Variants in FRAS1 observed in about 807,000 individuals in gnomAD.
FRAS1 encodes the protein Fraser extracellular matrix complex subunit 1.
Under a neutral mutation model 435.2 loss-of-function variants are expected in FRAS1, and 290 were observed. The observed-to-expected ratio is 0.67, with a 90% CI of 0.61 to 0.73. The LOEUF (loss-of-function observed/expected upper bound fraction) is 0.73, where lower values mean the gene tolerates loss of function less well. Ranked by LOEUF, FRAS1 falls within the 30% of genes least tolerant of loss-of-function variation. The pLI is 0.00. For synonymous variants in FRAS1, 1,800 were observed against 1,851.0 expected (o/e 0.97, Z 0.71); for missense variants, 4,860 against 5,001.5 (o/e 0.97, Z 0.85).
Position 78,487,939 on chromosome 4 carries a change from T to C in FRAS1, c.8753-936T>C, listed in dbSNP as rs140823419. Among the ~76,000 whole-genome samples the C allele has an allele frequency of 9.0e-3, 1,372 of 152,294 alleles. 7 individuals are homozygous for C. Among genetic ancestry groups the C allele is most frequent in the Non-Finnish European group, 0.015 (1,050 of 68,006 alleles). ...CTAAGTCCTTGTTTTTAACCATGAT[T>C]TGACTACGGTCTCATCCTTAAGTCA... On this transcript the variant is annotated intron_variant, in intron 58 of 73. Transcript: ENST00000512123.
chr4:78,159,698 T>G (rs1721054069), intron 2 of FRAS1, among the ~76,000 whole-genome samples: 1 of 152,130 alleles, frequency 6.6e-6, no homozygotes, highest in Admixed American at 6.5e-5. Flanking sequence ...CTGGCCAACA[T>G]GGTGAAACCC....
intron 29 of FRAS1, among the ~76,000 whole-genome samples, chr4:78,391,740 T>A (rs1461838117): frequency 1.3e-5 from 2 of 152,184 alleles, no homozygotes; most frequent in Admixed American, 6.5e-5. Flanking sequence ...AAAATTCTAT[T>A]GCTGAGAGTC....
At chr4:78,244,794 A>G (rs965632511) in intron 3 of FRAS1, among the ~76,000 whole-genome samples, 2 of 152,136 alleles carry the variant, frequency 1.3e-5, no homozygotes, top group Non-Finnish European at 2.9e-5. Flanking sequence ...TCCCAGGTAA[A>G]AGTTACCTAT....
At chr4:78,327,859 G>A (rs1333642478) in intron 18 of FRAS1, among the ~76,000 whole-genome samples, 1 of 152,090 alleles carries the variant, frequency 6.6e-6, no homozygotes, top group Non-Finnish European at 1.5e-5. Context: ...GCACGGAATT[G>A]AAATTTCATG....
intron 47 of FRAS1, among the ~76,000 whole-genome samples, chr4:78,456,904 G>A (rs1719219178): frequency 1.3e-5 from 2 of 152,164 alleles, no homozygotes; most frequent in Non-Finnish European, 2.9e-5. Flanking sequence ...ATTGAAATCA[G>A]CAGAGCTCCA....
At chr4:78,514,264 A>C (rs1011025367) in intron 65 of FRAS1, among the ~76,000 whole-genome samples, 19 of 152,246 alleles carry the variant, frequency 1.2e-4, no homozygotes, top group Non-Finnish European at 4.4e-5. Context: ...GCCAATATGC[A>C]GCTGACGCAG....
intron 9 of FRAS1, among the ~76,000 whole-genome samples, chr4:78,272,069 C>T (rs4269200): frequency 0.95 from 143,977 of 152,300 alleles, 68,456 homozygotes; most frequent in Non-Finnish European, 1. Context: ...TGACCAGTGA[C>T]GATGAGCATT....
At chr4:78,095,636 C>A (rs1741763753) in intron 2 of FRAS1, among the ~76,000 whole-genome samples, 1 of 152,168 alleles carries the variant, frequency 6.6e-6, no homozygotes, top group African/African-American at 2.4e-5. Flanking sequence ...CAAGGAGGAA[C>A]AAGTCACGTC....
intron 15 of FRAS1, among the ~76,000 whole-genome samples, chr4:78,315,261 G>T (rs766725632): frequency 2.6e-5 from 4 of 152,132 alleles, no homozygotes; most frequent in Non-Finnish European, 5.9e-5. Context: ...ATTTTATGGA[G>T]CATCTGATAT....
At chr4:78,147,355 C>G (rs934705920) in intron 2 of FRAS1, among the ~76,000 whole-genome samples, 1 of 152,134 alleles carries the variant, frequency 6.6e-6, no homozygotes, top group African/African-American at 2.4e-5. Context: ...GGGAGGTCAT[C>G]TTCCCTAATG....
intron 41 of FRAS1, among the ~76,000 whole-genome samples, 185 bp downstream of exon 41, chr4:78,441,482 G>A (rs1266595523): frequency 6.6e-6 from 1 of 152,134 alleles, no homozygotes; most frequent in Non-Finnish European, 1.5e-5. Context: ...TTCTGTGTGC[G>A]GGGAACTTAT....
rs538300443 is a variant in FRAS1 at position 78,491,588 on chromosome 4, G to A, written c.8958+2508G>A. 4.6e-5 allele frequency among the ~76,000 whole-genome samples: 7 copies of A among 152,028 alleles called. No individual in the cohort carries two copies. In the South Asian group the frequency reaches 8.3e-4, roughly 18 times the overall value. On this transcript the variant is annotated intron_variant, in intron 59 of 73. Transcript: ENST00000512123. Reference sequence around the variant, plus strand: ...TCTAATAGATGCAGAAAAGGCCTTCGACAAACTTTAACAGCCCTTCATGAT... The same window carrying A: ...TCTAATAGATGCAGAAAAGGCCTTCAACAAACTTTAACAGCCCTTCATGAT...
intron 2 of FRAS1, among the ~76,000 whole-genome samples, chr4:78,164,647 T>C (rs1721266959): frequency 6.6e-6 from 1 of 152,154 alleles, no homozygotes; most frequent in Non-Finnish European, 1.5e-5. Context: ...AAAAACGTTT[T>C]TAAAAATATG....
intron 38 of FRAS1, among the ~76,000 whole-genome samples, chr4:78,435,828 T>C (rs1323990395): frequency 6.6e-6 from 1 of 152,012 alleles, no homozygotes; most frequent in Non-Finnish European, 1.5e-5. Context: ...AAAATGATTA[T>C]ATGTATGACA....
At position 78,407,655 on chromosome 4, in the gene FRAS1, C is replaced by G. The variant is rs1733152338; in HGVS notation, c.4130-8C>G. ...CCCTCACTAACTATGTGGCCTGTGC[C>G]TTCCTAGGGGAGGTGGTCCTTCTAG... On this transcript the variant is annotated splice_polypyrimidine_tract_variant and splice_region_variant and intron_variant, in intron 30 of 73. Transcript: ENST00000512123. 2 of 1,607,588 alleles carry G rather than the reference C, an allele frequency of 1.2e-6. No individual in the cohort carries two copies. The highest frequency in any genetic ancestry group is 8.5e-7 in the Non-Finnish European group (1 of 1,177,168).
rs929028798 is a variant in FRAS1 at position 78,443,430 on chromosome 4, A to G, written c.5666-2092A>G. Among the ~76,000 whole-genome samples, 5 of 151,708 alleles carry G rather than the reference A, an allele frequency of 3.3e-5. No individual in the cohort carries two copies. The Admixed American group carries it at 3.3e-4, about 10-fold the overall frequency. On this transcript the variant is annotated intron_variant, in intron 41 of 73. Transcript: ENST00000512123. ...GAAAAACATCTTTTTAAAAACTGTT[A>G]AAAGAACCAGCTTTTACTTTTCACC...
chr4:78,430,416 A>G lies in FRAS1; in HGVS notation c.4968A>G (p.Thr1656=). 1 of 1,612,642 alleles carries G rather than the reference A, an allele frequency of 6.2e-7. No homozygotes were observed. Among genetic ancestry groups the G allele is most frequent in the Non-Finnish European group, 8.5e-7 (1 of 1,179,282 alleles). The change falls in exon 37 of 74, where the codon ACA becomes ACG. Residue 1656 remains threonine (T), a splice_region_variant and synonymous_variant. Coordinates refer to ENST00000512123, the MANE Select transcript of FRAS1 (RefSeq NM_025074.7). ...HTAEFRRPMA[T]GDTFTYEDVE... ...CTGAGTTCCGAAGGCCGATGGCCAC[A>G]GGTAGCTACACACCTACACACTCTG...
intron 32 of FRAS1, among the ~76,000 whole-genome samples, chr4:78,416,356 G>A (rs1182728806): frequency 6.6e-6 from 1 of 152,060 alleles, no homozygotes; most frequent in Non-Finnish European, 1.5e-5. Flanking sequence ...GCTTTGCAAG[G>A]TGGGAGAGTT....
At chr4:78,518,422 G>GTGTGTATATATATATATA (rs1397809156) in intron 66 of FRAS1, among the ~76,000 whole-genome samples, 3 of 135,728 alleles carry the variant, frequency 2.2e-5, no homozygotes, top group South Asian at 2.2e-4. Context: ...TTTTTGTTGT[G>GTGTGTATATATATATATA]TATATATATA....
Sources: allele counts gnomAD v4.1 joint callset (sites outside exome capture counted in the v4.1 genomes callset), GRCh38; gene constraint gnomAD v4.1.1; transcripts MANE v1.5; gene names NCBI Gene and HGNC (gene_info 2026-07-23, HGNC 2026-07-21).